The following KCNH1 variants were observed in gnomAD, a reference collection of about 807,000 sequenced individuals.
KCNH1 encodes potassium voltage-gated channel subfamily H member 1.
A neutral mutation model predicts 69.2 loss-of-function variants in KCNH1; 27 were observed. That is an observed-to-expected ratio of 0.39 (90% CI 0.29 to 0.54). The LOEUF (loss-of-function observed/expected upper bound fraction) is 0.54. KCNH1 is among the 20% of genes least tolerant of loss of function. The pLI is 0.68. For missense variants in KCNH1, 798 were observed against 1,261.6 expected (o/e 0.63, Z 5.57); for synonymous variants, 456 against 487.7 (o/e 0.93, Z 0.86).
intron 7 of KCNH1, among the ~76,000 whole-genome samples, chr1:210,846,068 T>C (rs1328728849): frequency 6.6e-6 from 1 of 152,034 alleles, no homozygotes. Flanking sequence ...CACTGCTCAA[T>C]GAAATAAAAG....
In KCNH1 at chr1:210,920,248, C is replaced by T. The variant is rs1501569; in HGVS notation, c.1033-179G>A. ...CCAAGATGTATGGAATGGAAATTCC[C>T]ATTAGCATTTTCTACTTCCATTAAA... On this transcript the variant is annotated intron_variant, in intron 6 of 10. Coordinates refer to ENST00000271751, the MANE Select transcript of KCNH1 (RefSeq NM_172362.3). 0.38 allele frequency among the ~76,000 whole-genome samples: 57,712 copies of T among 151,992 alleles called. 11,353 individuals carry two copies. Among genetic ancestry groups the T allele is most frequent in the Non-Finnish European group, 0.42 (28,876 of 67,966 alleles).
At chr1:210,708,047 C>T (rs1681957578) in intron 10 of KCNH1, among the ~76,000 whole-genome samples, 1 of 152,216 alleles carries the variant, frequency 6.6e-6, no homozygotes, top group African/African-American at 2.4e-5. Context: ...ATACTAAACA[C>T]AGCTCATCAC....
intron 6 of KCNH1, among the ~76,000 whole-genome samples, chr1:210,999,856 C>A (rs937372075): frequency 3.9e-5 from 6 of 152,192 alleles, no homozygotes; most frequent in Non-Finnish European, 8.8e-5. Context: ...AAGGCTGGTT[C>A]AACATACCCA....
At chr1:210,908,633 T>TTA (rs1687163988) in intron 7 of KCNH1, among the ~76,000 whole-genome samples, 1 of 152,170 alleles carries the variant, frequency 6.6e-6, no homozygotes, top group South Asian at 2.1e-4. Flanking sequence ...CATAGGGACT[T>TTA]CTTAGAGTTT....
At chr1:210,806,169 T>C (rs1684546743) in intron 7 of KCNH1, among the ~76,000 whole-genome samples, 3 of 152,236 alleles carry the variant, frequency 2.0e-5, no homozygotes, top group Admixed American at 1.3e-4. Flanking sequence ...TGCACCACTT[T>C]ACATTCCTGC....
At chr1:210,763,421 A>G (rs1483598121) in intron 10 of KCNH1, among the ~76,000 whole-genome samples, 1 of 152,142 alleles carries the variant, frequency 6.6e-6, no homozygotes, top group African/African-American at 2.4e-5. Context: ...ACAGGAAAGG[A>G]AGAAGTCAAA....
At chr1:210,770,762 C>A (rs1228946857) in intron 10 of KCNH1, among the ~76,000 whole-genome samples, 1 of 152,202 alleles carries the variant, frequency 6.6e-6, no homozygotes, top group East Asian at 1.9e-4. Context: ...ACTTAGGAGA[C>A]AACCCAAGCT....
At chr1:210,727,856 G>A (rs1003659397) in intron 10 of KCNH1, among the ~76,000 whole-genome samples, 2 of 152,188 alleles carry the variant, frequency 1.3e-5, no homozygotes, top group Non-Finnish European at 2.9e-5. Flanking sequence ...CACATCTCCT[G>A]TCTCTGCATT....
chr1:211,027,330 G>T (rs1271428869), intron 5 of KCNH1, among the ~76,000 whole-genome samples: 2 of 152,114 alleles, frequency 1.3e-5, no homozygotes, highest in African/African-American at 4.8e-5. Flanking sequence ...ATGAGGCCAG[G>T]CTCAGTGGCT....
chr1:211,056,126 G>A (rs776582185), intron 5 of KCNH1, among the ~76,000 whole-genome samples: 3 of 152,192 alleles, frequency 2.0e-5, no homozygotes, highest in South Asian at 2.1e-4. Context: ...TGGGATCCCC[G>A]ATTCATGGCT....
intron 10 of KCNH1, among the ~76,000 whole-genome samples, chr1:210,772,366 C>T (rs984955092): frequency 6.6e-6 from 1 of 152,112 alleles, no homozygotes; most frequent in African/African-American, 2.4e-5. Flanking sequence ...CAACAATACA[C>T]TTTACTTTAC....
chr1:210,761,176 C>T (rs867186802), intron 10 of KCNH1, among the ~76,000 whole-genome samples: 42 of 130,004 alleles, frequency 3.2e-4, no homozygotes, highest in Admixed American at 4.7e-4. Context: ...GGCGTGAACC[C>T]GGGAGGCGGA....
At chr1:210,912,341 C>T (rs1160575) in intron 7 of KCNH1, among the ~76,000 whole-genome samples, 7,223 of 152,224 alleles carry the variant, frequency 0.047, 353 homozygotes, top group East Asian at 0.27. Context: ...CCCAACCACA[C>T]AAAATGACTT....
chr1:211,093,238 T>C (rs957261983), intron 3 of KCNH1, among the ~76,000 whole-genome samples: 9 of 152,182 alleles, frequency 5.9e-5, no homozygotes, highest in Non-Finnish European at 1.3e-4. Flanking sequence ...TTATTAGTCA[T>C]ACTGGGAGGC....
intron 6 of KCNH1, among the ~76,000 whole-genome samples, chr1:211,002,336 G>GTATATATATATATA: frequency 1.4e-5 from 2 of 141,476 alleles, no homozygotes; most frequent in Admixed American, 1.4e-4. Flanking sequence ...ATGTGTGTGT[G>GTATATATATATATA]TGTATATATA....
At chr1:211,022,644 T>C (rs921680082) in intron 5 of KCNH1, among the ~76,000 whole-genome samples, 1 of 152,074 alleles carries the variant, frequency 6.6e-6, no homozygotes, top group Non-Finnish European at 1.5e-5. Context: ...ATAATGTGAT[T>C]TAAAAATGAG....
At chr1:211,003,837 T>C (rs1689231527) in intron 6 of KCNH1, among the ~76,000 whole-genome samples, 1 of 152,162 alleles carries the variant, frequency 6.6e-6, no homozygotes, top group Admixed American at 6.5e-5. Context: ...CGGGTGCGGA[T>C]AATCCCAGCA....
chr1:210,822,768 A>C (rs559811971), intron 7 of KCNH1, among the ~76,000 whole-genome samples: 61 of 152,210 alleles, frequency 4.0e-4, no homozygotes, highest in Non-Finnish European at 6.9e-4. Flanking sequence ...CCCTTTCAAG[A>C]CCCAGCTCAA....
intron 6 of KCNH1, among the ~76,000 whole-genome samples, chr1:210,955,524 C>T (rs1036437005): frequency 1.3e-5 from 2 of 152,172 alleles, no homozygotes; most frequent in Admixed American, 1.3e-4. Context: ...TTGATTCTTC[C>T]TGTCCATGAG....
Sources: allele counts gnomAD v4.1 joint callset (sites outside exome capture counted in the v4.1 genomes callset), GRCh38; gene constraint gnomAD v4.1.1; transcripts MANE v1.5; gene names NCBI Gene and HGNC (gene_info 2026-07-23, HGNC 2026-07-21).